SPRY3: variants seen among roughly 807,000 people sequenced by gnomAD.
The protein encoded by SPRY3 is protein sprouty homolog 3.
A neutral mutation model predicts 20.2 loss-of-function variants in SPRY3; 15 were observed. The observed-to-expected ratio is 0.74, with a 90% CI of 0.50 to 1.14. The LOEUF is 1.14. SPRY3 is among the 50% of genes most tolerant of loss of function. SPRY3 has a pLI of 0.00. For missense variants in SPRY3, 364 were observed against 363.9 expected (o/e 1.00, Z 0.00); for synonymous variants, 143 against 136.5 (o/e 1.05, Z -0.33).
chrX:155,678,840 A>T (rs1270051794), intron 2 of SPRY3, among the ~76,000 whole-genome samples: 1 of 112,255 alleles, frequency 8.9e-6, no homozygotes, highest in Non-Finnish European at 1.9e-5. Flanking sequence ...TGTTTTTTCA[A>T]TGAAAATTAG....
intron 3 of SPRY3, among the ~76,000 whole-genome samples, chrX:155,770,393 A>C (rs753467507): frequency 3.2e-4 from 49 of 152,310 alleles, no homozygotes; most frequent in African/African-American, 1.2e-3. Context: ...CTAGTCCCTA[A>C]ATTGGCATAA....
intron 2 of SPRY3, among the ~76,000 whole-genome samples, chrX:155,766,413 A>G (rs926741503): frequency 6.6e-6 from 1 of 152,198 alleles, no homozygotes; most frequent in African/African-American, 2.4e-5. Flanking sequence ...CTAAGGTCAC[A>G]CAAGGAGTCA....
chrX:155,617,829 G>A (rs2067859045), intron 1 of SPRY3, among the ~76,000 whole-genome samples: 1 of 111,709 alleles, frequency 9.0e-6, no homozygotes, highest in South Asian at 3.7e-4. Context: ...GTAATAGGCC[G>A]ACATATATTA....
At chrX:155,618,431 G>A (rs1362769020) in intron 1 of SPRY3, among the ~76,000 whole-genome samples, 3 of 111,555 alleles carry the variant, frequency 2.7e-5, no homozygotes, top group East Asian at 5.6e-4. Context: ...ACCCACTGAA[G>A]AACATTTGAG....
intron 2 of SPRY3, among the ~76,000 whole-genome samples, chrX:155,749,184 C>G (rs1398972802): frequency 6.6e-6 from 1 of 151,888 alleles, no homozygotes; most frequent in African/African-American, 2.4e-5. Flanking sequence ...TCCACTTGGG[C>G]TTTTCTAAAA....
chrX:155,636,564 GGTATGTATGTATGTAT>G (rs200537763), intron 1 of SPRY3, among the ~76,000 whole-genome samples: 34 of 104,760 alleles, frequency 3.2e-4, no homozygotes, highest in Admixed American at 1.1e-3. Context: ...TATGTAGGTA[GGTATGTATGTATGTAT>G]GTATGTATGT....
At chrX:155,630,054 G>T (rs1398562399) in intron 1 of SPRY3, among the ~76,000 whole-genome samples, 2 of 111,736 alleles carry the variant, frequency 1.8e-5, no homozygotes, top group Non-Finnish European at 3.8e-5. Flanking sequence ...GTTGTTTTAA[G>T]CTGACAGCAA....
intron 1 of SPRY3, among the ~76,000 whole-genome samples, chrX:155,649,681 C>A (rs1270511187): frequency 2.7e-5 from 3 of 111,272 alleles, no homozygotes; most frequent in Non-Finnish European, 5.7e-5. Flanking sequence ...TGGGCAAGAG[C>A]TGGAAGCATT....
intron 2 of SPRY3, among the ~76,000 whole-genome samples, chrX:155,706,970 A>AT (rs925072164): frequency 8.4e-4 from 126 of 149,916 alleles, no homozygotes; most frequent in African/African-American, 2.8e-3. Context: ...CTTCTATTAC[A>AT]TTTTTTCTTT....
At chrX:155,671,216 T>C (rs2068039534) in intron 2 of SPRY3, among the ~76,000 whole-genome samples, 1 of 111,640 alleles carries the variant, frequency 9.0e-6, no homozygotes, top group Admixed American at 9.5e-5. Flanking sequence ...GTAAAATAGT[T>C]ACTTATTCTG....
intron 2 of SPRY3, among the ~76,000 whole-genome samples, chrX:155,715,805 G>A (rs2091018248): frequency 6.6e-6 from 1 of 152,150 alleles, no homozygotes; most frequent in Non-Finnish European, 1.5e-5. Flanking sequence ...ACAGGTGCTG[G>A]CTGAGCCCAG....
At chrX:155,697,522 C>CAT (rs1557356198) in intron 2 of SPRY3, among the ~76,000 whole-genome samples, 181 of 99,314 alleles carry the variant, frequency 1.8e-3, no homozygotes, top group East Asian at 8.5e-3. Context: ...CACACACACA[C>CAT]ATATATATAT....
chrX:155,764,132 T>C (rs1003107645), intron 2 of SPRY3, among the ~76,000 whole-genome samples: 1 of 152,174 alleles, frequency 6.6e-6, no homozygotes, highest in African/African-American at 2.4e-5. Flanking sequence ...TGGAATTGAA[T>C]TAATGTCAGC....
At chrX:155,705,587 T>C (rs749743453) in intron 2 of SPRY3, among the ~76,000 whole-genome samples, 1 of 151,410 alleles carries the variant, frequency 6.6e-6, no homozygotes, top group East Asian at 1.9e-4. Flanking sequence ...TTAAAAATAA[T>C]CAAGACCCAA....
chrX:155,705,116 T>G (rs2090941182), intron 2 of SPRY3, among the ~76,000 whole-genome samples: 1 of 151,488 alleles, frequency 6.6e-6, no homozygotes, highest in East Asian at 1.9e-4. Context: ...TTAAATTATT[T>G]TTCTTATTTG....
chrX:155,774,021 G>A (rs1333968162), exon 4 of SPRY3: 1 of 1,613,918 alleles, frequency 6.2e-7, no homozygotes, highest in East Asian at 2.2e-5. Context: ...AAACCCACAA[G>A]TCTGATTGGT....
In SPRY3 at chrX:155,744,659, G is replaced by C. The variant is rs765457344; in HGVS notation, c.-281-23303G>C. Among the ~76,000 whole-genome samples the C allele has an allele frequency of 5.3e-4, 81 of 152,006 alleles. No homozygotes were observed. In the South Asian group the frequency reaches 0.016, roughly 29 times the overall value. On this transcript the variant is annotated intron_variant, in intron 2 of 3. Coordinates refer to ENST00000675360, the Ensembl canonical transcript of SPRY3. ...AAAATACAACATGAGTGCAGACCCA[G>C]GACACTAAAGTCAGAGAGACAGAAC...
intron 2 of SPRY3, among the ~76,000 whole-genome samples, chrX:155,663,550 A>G (rs1259257239): frequency 8.9e-6 from 1 of 111,769 alleles, no homozygotes; most frequent in Non-Finnish European, 1.9e-5. Context: ...ATGAGGGGAA[A>G]CAATAGACAG....
chrX:155,743,033 CT>C (rs2091210706), intron 2 of SPRY3, among the ~76,000 whole-genome samples: 1 of 151,988 alleles, frequency 6.6e-6, no homozygotes, highest in Non-Finnish European at 1.5e-5. Context: ...AAACCAGGAG[CT>C]GGTTTTTTGA....
Sources: gnomAD v4.1 joint callset for allele counts (sites outside exome capture counted in the v4.1 genomes callset) on GRCh38, gnomAD v4.1.1 for gene constraint, MANE v1.5 for transcripts, NCBI Gene and HGNC (gene_info 2026-07-23, HGNC 2026-07-21) for gene names.